The following THSD7A variants were observed in gnomAD, a reference collection of about 807,000 sequenced individuals.
THSD7A encodes thrombospondin type 1 domain containing 7A.
A neutral mutation model predicts 231.3 loss-of-function variants in THSD7A; 96 were observed. The ratio of observed to expected loss-of-function variants is 0.41; its 90% confidence interval spans 0.35 to 0.49. The LOEUF (loss-of-function observed/expected upper bound fraction) is 0.49, where lower values mean the gene tolerates loss of function less well. THSD7A is among the 20% of genes least tolerant of loss of function. The pLI, the probability that THSD7A is intolerant of heterozygous loss-of-function variation, is 0.05. For synonymous variants in THSD7A, 940 were observed against 743.3 expected (o/e 1.26, Z -4.30); for missense variants, 2,290 against 2,070.2 (o/e 1.11, Z -2.06).
chr7:11,686,523 C>T (rs1042664717), intron 1 of THSD7A, among the ~76,000 whole-genome samples: 1 of 151,776 alleles, frequency 6.6e-6, no homozygotes, highest in Non-Finnish European at 1.5e-5. Flanking sequence ...GTCTTTAAGA[C>T]ACGTGCACTT....
intron 6 of THSD7A, among the ~76,000 whole-genome samples, chr7:11,515,468 A>G (rs1323599642): frequency 1.3e-5 from 2 of 152,152 alleles, no homozygotes; most frequent in Admixed American, 1.3e-4. Flanking sequence ...AGATAATTTA[A>G]TAATCCATAG....
At chr7:11,451,457 C>T (rs1203790104) in intron 11 of THSD7A, among the ~76,000 whole-genome samples, 5 of 151,904 alleles carry the variant, frequency 3.3e-5, no homozygotes, top group East Asian at 1.9e-4. Context: ...TGTGGACAGA[C>T]GACCAAGAAT....
At chr7:11,458,200 T>A (rs1262633838) in intron 11 of THSD7A, among the ~76,000 whole-genome samples, 1 of 152,134 alleles carries the variant, frequency 6.6e-6, no homozygotes, top group Non-Finnish European at 1.5e-5. Flanking sequence ...TTCATTTTTT[T>A]ATTTAAGTCT....
At chr7:11,613,145 C>G (rs1780988886) in intron 2 of THSD7A, among the ~76,000 whole-genome samples, 1 of 152,108 alleles carries the variant, frequency 6.6e-6, no homozygotes, top group Admixed American at 6.6e-5. Context: ...CAGGGGATTC[C>G]CACCACATTG....
intron 6 of THSD7A, among the ~76,000 whole-genome samples, chr7:11,523,099 C>G (rs1024152817): frequency 6.6e-6 from 1 of 151,996 alleles, no homozygotes; most frequent in Non-Finnish European, 1.5e-5. Context: ...TTCTGAAGAC[C>G]TAATGAAACA....
intron 2 of THSD7A, among the ~76,000 whole-genome samples, chr7:11,614,702 C>G (rs1477910934): frequency 6.6e-6 from 1 of 151,988 alleles, no homozygotes; most frequent in Non-Finnish European, 1.5e-5. Context: ...TTGTCTTGTT[C>G]TAGTATTTTT....
In THSD7A at chr7:11,831,843, AGC is replaced by A. The variant is rs777868599; in HGVS notation, c.102_103del (p.Leu35ProfsTer38). The A allele has an allele frequency of 9.6e-6, 13 of 1,359,990 alleles. No individual in the cohort carries two copies. The African/African-American group carries it at 2.0e-4, about 20-fold the overall frequency. The allele number at this position is 1,359,990 out of a possible 1,614,324, so 84.2% of individuals were successfully genotyped here. On this transcript the variant is annotated frameshift_variant, in exon 1 of 28. Coordinates refer to ENST00000423059, the MANE Select transcript of THSD7A (RefSeq NM_015204.3). LOFTEE classifies it high-confidence loss of function. This position sits in a 1 kb window ranked among gnomAD's most constrained non-coding sequence, Gnocchi z 5.0. Reference sequence around the variant, plus strand: ...GCCCGGGCGTAGCAGCAGCAGCAGGAGCAGCGGCAGCGGCAGCGGCAGCGGCA... The same window carrying A: ...GCCCGGGCGTAGCAGCAGCAGCAGGAAGCGGCAGCGGCAGCGGCAGCGGCA...
chr7:11,729,448 A>C (rs1781653807), intron 1 of THSD7A, among the ~76,000 whole-genome samples: 1 of 151,778 alleles, frequency 6.6e-6, no homozygotes, highest in Non-Finnish European at 1.5e-5. Flanking sequence ...TGCAGGAGAG[A>C]AACTGAAGCA....
chr7:11,528,829 G>A (rs941271116), intron 6 of THSD7A, among the ~76,000 whole-genome samples: 2 of 152,210 alleles, frequency 1.3e-5, no homozygotes, highest in South Asian at 2.1e-4. Flanking sequence ...ACTTCCTAAT[G>A]TGGGTTCCTG....
chr7:11,739,224 T>G lies in THSD7A; in HGVS notation c.190+92533A>C, dbSNP rs140911564. Among the ~76,000 whole-genome samples, 63 of 152,144 alleles carry G rather than the reference T, an allele frequency of 4.1e-4. 2 individuals are homozygous for G. Among genetic ancestry groups the G allele is most frequent in the Middle Eastern group, 3.4e-3 (1 of 292 alleles). ...TAAGAAGCAAGGAAATTATAATGTTTTAAGAAACATGACATAAATTTAGAT... is the reference window on the plus strand; with the variant it reads ...TAAGAAGCAAGGAAATTATAATGTTGTAAGAAACATGACATAAATTTAGAT... On this transcript the variant is annotated intron_variant, in intron 1 of 27. Coordinates refer to ENST00000423059, the MANE Select transcript of THSD7A (RefSeq NM_015204.3).
intron 1 of THSD7A, among the ~76,000 whole-genome samples, chr7:11,655,976 C>A (rs1241614350): frequency 6.6e-6 from 1 of 151,914 alleles, no homozygotes; most frequent in Non-Finnish European, 1.5e-5. Flanking sequence ...ACTTGAGGAA[C>A]TAGATCTTCA....
chr7:11,519,090 T>C, intron 6 of THSD7A, among the ~76,000 whole-genome samples: 1 of 152,204 alleles, frequency 6.6e-6, no homozygotes, highest in East Asian at 1.9e-4. Context: ...AATGACTTTT[T>C]TCCTGTTTTT....
At chr7:11,789,988 A>C (rs1783900300) in intron 1 of THSD7A, among the ~76,000 whole-genome samples, 1 of 152,050 alleles carries the variant, frequency 6.6e-6, no homozygotes, top group African/African-American at 2.4e-5. Context: ...CAGGTACCAA[A>C]AAGTTATAAA....
chr7:11,621,693 C>A (rs1359518866), intron 2 of THSD7A, among the ~76,000 whole-genome samples: 1 of 151,786 alleles, frequency 6.6e-6, no homozygotes, highest in Non-Finnish European at 1.5e-5. Flanking sequence ...TTTTGAATTC[C>A]GTGTCTTACT....
chr7:11,729,786 A>G (rs1434375055), intron 1 of THSD7A, among the ~76,000 whole-genome samples: 1 of 151,794 alleles, frequency 6.6e-6, no homozygotes, highest in Non-Finnish European at 1.5e-5. Flanking sequence ...CTGTTTTTCC[A>G]AGGCAATATT....
chr7:11,630,553 T>C (rs1248911214), intron 2 of THSD7A, among the ~76,000 whole-genome samples: 1 of 152,206 alleles, frequency 6.6e-6, no homozygotes, highest in Non-Finnish European at 1.5e-5. Flanking sequence ...TGGAGTTATC[T>C]AGAAGCTGGA....
At chr7:11,526,845 G>C (rs796253599) in intron 6 of THSD7A, among the ~76,000 whole-genome samples, 15 of 152,232 alleles carry the variant, frequency 9.9e-5, no homozygotes, top group African/African-American at 3.6e-4. Flanking sequence ...AGCAGTGTGA[G>C]GATGGACTAA....
At chr7:11,399,765 G>C (rs908162705) in intron 23 of THSD7A, among the ~76,000 whole-genome samples, 2 of 152,164 alleles carry the variant, frequency 1.3e-5, no homozygotes, top group African/African-American at 4.8e-5. Flanking sequence ...ATTCCTCAAG[G>C]ATCTGGAACT....
intron 1 of THSD7A, among the ~76,000 whole-genome samples, chr7:11,764,874 A>G (rs1782984078): frequency 6.6e-6 from 1 of 152,114 alleles, no homozygotes; most frequent in African/African-American, 2.4e-5. Flanking sequence ...ATTATAAGGA[A>G]AAACTATGAA....
Sources: gnomAD v4.1 joint callset for allele counts (sites outside exome capture counted in the v4.1 genomes callset) on GRCh38, gnomAD v4.1.1 for gene constraint, Gnocchi (gnomAD v3.1) non-coding constraint, MANE v1.5 for transcripts, NCBI Gene and HGNC (gene_info 2026-07-23, HGNC 2026-07-21) for gene names.